Variants in NASP observed in about 807,000 individuals in gnomAD.
NASP encodes NASP histone chaperone.
NASP carries 24 observed loss-of-function variants against 89.5 expected under a neutral mutation model. The ratio of observed to expected loss-of-function variants is 0.27; its 90% CI spans 0.19 to 0.38. The LOEUF is 0.38. Among genes scored for constraint, NASP ranks in the 10% least tolerant of loss-of-function variants. The probability of loss-of-function intolerance (pLI) is 1.00; values close to 1 mark genes in which losing one functional copy is unlikely to be tolerated. For synonymous variants in NASP, 306 were observed against 324.7 expected (o/e 0.94, Z 0.62); for missense variants, 848 against 921.4 (o/e 0.92, Z 1.03).
In NASP at chr1:45,618,546, C is replaced by G. The variant is rs183278062; in HGVS notation, c.*405C>G. 315 of 170,826 alleles carry G rather than the reference C, an allele frequency of 1.8e-3. 2 individuals carry two copies. Among genetic ancestry groups the G allele is most frequent in the African/African-American group, 6.6e-3 (277 of 42,146 alleles). The allele number at this position is 170,826 out of a possible 1,614,324, so 10.6% of individuals were successfully genotyped here. ...AAGAATTGGTGAAGATCTTGCTCTT[C>G]AGTGCTGAAAATGGATGATGGACTT... On this transcript the variant is annotated 3_prime_UTR_variant, in exon 15 of 15. Transcript: ENST00000350030.
chr1:45,617,242 C>T, intron 13 of NASP: 2 of 490,928 alleles, frequency 4.1e-6, no homozygotes, highest in Middle Eastern at 5.6e-4. Context: ...ACCCTATCTC[C>T]CTGTGCTTCC....
At chr1:45,587,402 C>T (rs1557647548) in intron 1 of NASP, among the ~76,000 whole-genome samples, 1 of 151,658 alleles carries the variant, frequency 6.6e-6, no homozygotes. Context: ...AACTCCTGAC[C>T]TCAGGTGATC....
chr1:45,600,314 C>G, intron 2 of NASP: 2 of 1,112,850 alleles, frequency 1.8e-6, no homozygotes, highest in Non-Finnish European at 2.3e-6. Context: ...TTATCACAAT[C>G]AAGATAATGA....
At chr1:45,616,867 C>T (rs960234299) in intron 13 of NASP, among the ~76,000 whole-genome samples, 164 bp downstream of exon 13, 3 of 152,108 alleles carry the variant, frequency 2.0e-5, no homozygotes, top group Non-Finnish European at 2.9e-5. Flanking sequence ...TGTTTTGAGA[C>T]GGAGTCTTGC....
chr1:45,591,325 A>G (rs554491237), intron 2 of NASP, 55 bp downstream of exon 2: 1 of 1,137,128 alleles, frequency 8.8e-7, no homozygotes, highest in African/African-American at 1.6e-5. Context: ...ACTAAGAGCA[A>G]TATAACTTTA....
intron 2 of NASP, among the ~76,000 whole-genome samples, chr1:45,597,461 C>T (rs1643728248): frequency 6.6e-6 from 1 of 152,008 alleles, no homozygotes; most frequent in Non-Finnish European, 1.5e-5. Flanking sequence ...GAAAAGAAAA[C>T]ACGGTAGAGT....
At chr1:45,617,116 T>A (rs1210425724) in intron 13 of NASP, 3 of 307,166 alleles carry the variant, frequency 9.8e-6, no homozygotes, top group Non-Finnish European at 1.8e-5. Context: ...GTGCTGGGAT[T>A]ATAAGCGTGA....
In NASP at chr1:45,607,972, C is replaced by T; in HGVS notation, c.1061C>T (p.Ala354Val). 6.2e-7 allele frequency: 1 copy of T among 1,614,122 alleles called. No homozygotes were observed. The highest frequency in any genetic ancestry group is 8.5e-7 in the Non-Finnish European group (1 of 1,180,026). ...GAGGTGACAACAGAGGCTGCAGAGG[C>T]CTCAGCTGTAGAGGCTGGATCAGAA... ...SPEVTTEAAE[A>V]SAVEAGSEVS... The change falls in exon 6 of 15, where the codon GCC becomes GTC. Residue 354 changes from alanine to valine, a missense_variant. Ala to Val is a moderately conservative substitution (Grantham distance 64, BLOSUM62 0). Coordinates refer to ENST00000350030, the MANE Select transcript of NASP (RefSeq NM_002482.4).
chr1:45,586,278 GTGTGTGGTGTGTGTGT>G (rs1424080422), intron 1 of NASP, among the ~76,000 whole-genome samples: 2 of 45,660 alleles, frequency 4.4e-5, no homozygotes, highest in African/African-American at 1.5e-4. Flanking sequence ...GTGTGTGTGT[GTGTGTGGTGTGTGTGT>G]GTGTGTGTGT....
At chr1:45,592,045 T>G (rs1053792367) in intron 2 of NASP, among the ~76,000 whole-genome samples, 4 of 152,266 alleles carry the variant, frequency 2.6e-5, no homozygotes, top group Non-Finnish European at 5.9e-5. Flanking sequence ...TGGAGTGCAG[T>G]GGCGCAATCT....
Position 45,591,252 on chromosome 1 carries a change from C to T in NASP, c.89C>T (p.Ser30Phe). The T allele has an allele frequency of 6.5e-7, 1 of 1,546,446 alleles. No individual in the cohort carries two copies. Among genetic ancestry groups the T allele is most frequent in the Non-Finnish European group, 8.7e-7 (1 of 1,149,400 alleles). ...GAAGATGTTCCTGCTCCTTCTACAT[C>T]TGCAGATAAAGTGGAGAGGTAAGAT... ...KIEDVPAPST[S>F]ADKVESLDVD... is the part of the protein sequence containing the mutation. The change falls in exon 2 of 15, where the codon TCT becomes TTT. Residue 30 changes from serine (S) to phenylalanine (F), a missense_variant. This residue lies in a region of NASP where 89 missense variants were observed against 79.2 expected (regional missense o/e 1.12). Transcript: ENST00000350030.
intron 2 of NASP, chr1:45,594,721 C>T (rs1643645565): frequency 4.4e-6 from 2 of 455,566 alleles, no homozygotes; most frequent in Non-Finnish European, 8.8e-6. Context: ...GTTGCCCAGG[C>T]TGGGGCTCAA....
intron 2 of NASP, among the ~76,000 whole-genome samples, chr1:45,597,670 T>C (rs1248705489): frequency 6.6e-6 from 1 of 152,202 alleles, no homozygotes; most frequent in Non-Finnish European, 1.5e-5. Context: ...TACTGACAGA[T>C]ATAACTTGGA....
At chr1:45,597,261 C>A (rs926373728) in intron 2 of NASP, among the ~76,000 whole-genome samples, 1 of 141,890 alleles carries the variant, frequency 7.0e-6, no homozygotes. Context: ...GAGCTGAGAT[C>A]GTGCCACTGC....
chr1:45,606,816 G>A (rs1368165876), intron 5 of NASP: 1 of 417,006 alleles, frequency 2.4e-6, no homozygotes, highest in Admixed American at 4.1e-5. Flanking sequence ...CAGTTATTTC[G>A]ATTGGGGTTT....
chr1:45,607,079 A>G (rs774521809), intron 5 of NASP, among the ~76,000 whole-genome samples: 6 of 152,188 alleles, frequency 3.9e-5, no homozygotes, highest in Non-Finnish European at 7.3e-5. Flanking sequence ...CTAACTGGTA[A>G]TCAGAATGCT....
intron 6 of NASP, chr1:45,609,884 T>G (rs1208114466): frequency 1.3e-5 from 2 of 152,182 alleles, no homozygotes; most frequent in African/African-American, 4.8e-5. Flanking sequence ...GTGTTCATCC[T>G]TTTCCTACAC....
intron 1 of NASP, among the ~76,000 whole-genome samples, chr1:45,587,655 T>G (rs756848870): frequency 1.5e-4 from 18 of 119,080 alleles, no homozygotes; most frequent in Middle Eastern, 8.2e-3. Context: ...TTGTCTTGAG[T>G]TTTTTCATAT....
chr1:45,613,398 C>A (rs921145684), intron 7 of NASP, 150 bp downstream of exon 7: 2 of 865,376 alleles, frequency 2.3e-6, no homozygotes, highest in African/African-American at 1.8e-5. Flanking sequence ...ATCGCCTCAC[C>A]TCAGCCTCTC....
Sources: allele counts gnomAD v4.1 joint callset (sites outside exome capture counted in the v4.1 genomes callset), GRCh38; gene constraint gnomAD v4.1.1; regional missense constraint gnomAD v4.1.1; transcripts MANE v1.5; gene names NCBI Gene and HGNC (gene_info 2026-07-23, HGNC 2026-07-21).